PM20D2: variants seen among roughly 807,000 people sequenced by gnomAD.
The protein encoded by PM20D2 is peptidase M20 domain containing 2, also known as xaa-Arg dipeptidase.
A neutral mutation model predicts 42.9 loss-of-function variants in PM20D2; 33 were observed. The ratio of observed to expected loss-of-function variants is 0.77; its 90% CI spans 0.58 to 1.03. The LOEUF (loss-of-function observed/expected upper bound fraction) is 1.03, where lower values mean the gene tolerates loss of function less well. Among genes scored for constraint, PM20D2 ranks in the 50% least tolerant of loss-of-function variants. The probability of loss-of-function intolerance (pLI) is 0.00; values close to 1 mark genes in which losing one functional copy is unlikely to be tolerated. For synonymous variants in PM20D2, 250 were observed against 228.2 expected (o/e 1.10, Z -0.86); for missense variants, 548 against 557.0 (o/e 0.98, Z 0.16).
chr6:89,154,720 A>G (rs1452863997), intron 3 of PM20D2, 28 bp from the exon 4 acceptor site: 7 of 1,440,778 alleles, frequency 4.9e-6, no homozygotes, highest in Non-Finnish European at 6.5e-6. Flanking sequence ...CACCAAGCTT[A>G]ATTCTAGTAA....
chr6:89,103,685 C>G, the PM20D2 span, among the ~76,000 whole-genome samples: 2 of 151,862 alleles, frequency 1.3e-5, no homozygotes. Flanking sequence ...GTCTTGAACT[C>G]CTGACCTCAA....
At chr6:89,139,936 T>A in the PM20D2 span, among the ~76,000 whole-genome samples, 1 of 152,228 alleles carries the variant, frequency 6.6e-6, no homozygotes, top group South Asian at 2.1e-4. Context: ...GGTCTGGATT[T>A]GAATTTAATG....
At chr6:89,103,702 C>T in the PM20D2 span, among the ~76,000 whole-genome samples, 73 of 151,954 alleles carry the variant, frequency 4.8e-4, no homozygotes, top group African/African-American at 1.6e-3. Context: ...TCAAGTAATC[C>T]ACCCGCCTTG....
At chr6:89,098,758 C>T in the PM20D2 span, 15 of 1,613,828 alleles carry the variant, frequency 9.3e-6, no homozygotes, top group Non-Finnish European at 1.3e-5. Context: ...AGCTAGTCTG[C>T]TTTTGAGGTG....
At chr6:89,097,168 CT>C in the PM20D2 span, 7 of 151,996 alleles carry the variant, frequency 4.6e-5, no homozygotes, top group African/African-American at 1.7e-4. Flanking sequence ...CTCCTATATA[CT>C]AAAAATATAA....
At chr6:89,148,615 T>C (rs1770692239) in intron 1 of PM20D2, 1 of 922,470 alleles carries the variant, frequency 1.1e-6, no homozygotes, top group Admixed American at 6.2e-5. Context: ...ACTGTGGCAT[T>C]AAGACTTGTT....
At chr6:89,118,070 C>A in the PM20D2 span, 3 of 247,566 alleles carry the variant, frequency 1.2e-5, no homozygotes, top group Non-Finnish European at 2.0e-5. Context: ...CGGCGCCAGC[C>A]TGGACGCACG....
upstream of PM20D2, chr6:89,145,981 G>A (rs550001659): frequency 6.9e-5 from 36 of 523,688 alleles, 1 homozygote; most frequent in African/African-American, 7.0e-4. Flanking sequence ...TTCCCGCGCG[G>A]CGCCGGGGGC....
the PM20D2 span, among the ~76,000 whole-genome samples, chr6:89,115,631 C>CTT: frequency 7.5e-4 from 97 of 128,954 alleles, no homozygotes; most frequent in African/African-American, 1.2e-3. Context: ...TTTTTTCTTT[C>CTT]TTTTTTTTTT....
chr6:89,134,423 C>T, the PM20D2 span, among the ~76,000 whole-genome samples: 2 of 151,158 alleles, frequency 1.3e-5, no homozygotes, highest in Non-Finnish European at 2.9e-5. Context: ...TACAATTTCT[C>T]CCACCATCCT....
intron 4 of PM20D2, among the ~76,000 whole-genome samples, chr6:89,155,219 G>A (rs1246213261): frequency 8.3e-6 from 1 of 119,780 alleles, no homozygotes; most frequent in Non-Finnish European, 1.7e-5. Flanking sequence ...GCTATATGTA[G>A]TTTCTATAAA....
rs775635844 is a variant in PM20D2 at position 89,153,060 on chromosome 6, A to G, written c.632A>G (p.Tyr211Cys). ...TTTCCTAGTGTGACTGTGAAATACT[A>G]TGGAAAAGCATCTCATTCTGCTTCT... ...MAEHDVTVKY[Y>C]GKASHSASYP... Residue 211 changes from tyrosine to cysteine, a missense_variant, in exon 3 of 7, where the codon TAT (tyrosine) becomes TGT (cysteine). Transcript: ENST00000275072. 4.4e-6 allele frequency: 7 copies of G among 1,601,388 alleles called. No homozygotes were observed. The highest frequency in any genetic ancestry group is 5.1e-6 in the Non-Finnish European group (6 of 1,172,422).
chr6:89,132,347 T>C, the PM20D2 span, among the ~76,000 whole-genome samples: 1 of 144,940 alleles, frequency 6.9e-6, no homozygotes, highest in Admixed American at 6.6e-5. Context: ...TTCTCTCCAA[T>C]AGGAGGTTCA....
rs1770752692 is a variant in PM20D2, at chr6:89,149,427, T to A, written c.614+14T>A. On this transcript the variant is annotated intron_variant, in intron 2 of 6. Coordinates refer to ENST00000275072, the MANE Select transcript of PM20D2 (RefSeq NM_001010853.3). ...GGCTGAACATGAGTGAGTAATCAAG[T>A]TGAAGATAAACTTCTTAGGGGAACA... 1.2e-6 allele frequency: 2 copies of A among 1,612,386 alleles called. No homozygotes were observed. The highest frequency in any genetic ancestry group is 1.7e-6 in the Non-Finnish European group (2 of 1,179,330).
At chr6:89,120,024 C>T in the PM20D2 span, among the ~76,000 whole-genome samples, 1 of 152,206 alleles carries the variant, frequency 6.6e-6, no homozygotes, top group Non-Finnish European at 1.5e-5. Flanking sequence ...GCACATCTTA[C>T]ATGGTGGCAG....
chr6:89,152,596 G>A lies in PM20D2; in HGVS notation c.615-447G>A, dbSNP rs566517453. On this transcript the variant is annotated intron_variant, in intron 2 of 6. Transcript: ENST00000275072. ...ATTGAATATAATCTGATTTTCAGAG[G>A]TTGTCTTAACCCACTTCAAATAGTA... Among the ~76,000 whole-genome samples the A allele has an allele frequency of 5.9e-5, 9 of 152,194 alleles. No homozygotes were observed. In the East Asian group the frequency reaches 1.5e-3, roughly 26 times the overall value.
chr6:89,129,708 C>T, the PM20D2 span, among the ~76,000 whole-genome samples: 1 of 151,398 alleles, frequency 6.6e-6, no homozygotes, highest in Non-Finnish European at 1.5e-5. Flanking sequence ...GTCCTCCCAC[C>T]TCAGCCTCCT....
the PM20D2 span, among the ~76,000 whole-genome samples, chr6:89,117,566 C>T: frequency 1.6e-4 from 25 of 152,282 alleles, no homozygotes; most frequent in Admixed American, 3.3e-4. Context: ...TGCTGAACCG[C>T]GGAAAGCGAC....
At chr6:89,103,963 A>ACCTTTCAC in the PM20D2 span, among the ~76,000 whole-genome samples, 2 of 140,350 alleles carry the variant, frequency 1.4e-5, no homozygotes, top group Non-Finnish European at 3.1e-5. Flanking sequence ...TTAGTCAACC[A>ACCTTTCAC]CCTTTCACAA....
Sources: gnomAD v4.1 joint callset for allele counts (sites outside exome capture counted in the v4.1 genomes callset) on GRCh38, gnomAD v4.1.1 for gene constraint, MANE v1.5 for transcripts, NCBI Gene and HGNC (gene_info 2026-07-23, HGNC 2026-07-21) for gene names.